Variants in PDGFRL observed in about 807,000 individuals in gnomAD.
PDGFRL encodes the protein platelet derived growth factor receptor like.
In PDGFRL, 46 loss-of-function variants were observed where a neutral mutation model predicts 37.2. The observed-to-expected ratio is 1.24, with a 90% CI of 0.98 to 1.58. The LOEUF is 1.58. PDGFRL is among the 40% of genes most tolerant of loss of function. PDGFRL has a pLI of 0.00. For synonymous variants in PDGFRL, 251 were observed against 184.3 expected (o/e 1.36, Z -2.93); for missense variants, 692 against 467.6 (o/e 1.48, Z -4.43).
At chr8:17,624,702 A>C (rs1330295993) in intron 3 of PDGFRL, among the ~76,000 whole-genome samples, 1 of 152,212 alleles carries the variant, frequency 6.6e-6, no homozygotes, top group Non-Finnish European at 1.5e-5. Flanking sequence ...TGAGGTCAGG[A>C]GTTCAAGACC....
At chr8:17,594,641 G>A (rs574000858) in intron 2 of PDGFRL, among the ~76,000 whole-genome samples, 8 of 152,064 alleles carry the variant, frequency 5.3e-5, no homozygotes, top group East Asian at 3.9e-4. Flanking sequence ...GGCAACCTCC[G>A]CCTCCCGGGT....
rs150968343 is a variant in PDGFRL at position 17,586,331 on chromosome 8, A to C, written c.56-3137A>C. Among the ~76,000 whole-genome samples the C allele has an allele frequency of 3.3e-4, 51 of 152,306 alleles. No homozygotes were observed. In the East Asian group the frequency reaches 8.9e-3, roughly 27 times the overall value. On this transcript the variant is annotated intron_variant, in intron 1 of 5. Transcript: ENST00000251630. ...TTGGAAAAGCACCTCCAGCTCTTCC[A>C]GGAAGAGGAGGCTGTCATCCCCAGC...
intron 2 of PDGFRL, among the ~76,000 whole-genome samples, chr8:17,592,158 T>G (rs1338081202): frequency 1.3e-5 from 2 of 152,154 alleles, no homozygotes; most frequent in African/African-American, 4.8e-5. Context: ...CTTTAACATT[T>G]CAAAATTCTG....
chr8:17,635,230 C>G (rs887131848), intron 5 of PDGFRL, among the ~76,000 whole-genome samples: 8 of 152,138 alleles, frequency 5.3e-5, no homozygotes, highest in African/African-American at 1.9e-4. Context: ...TTCGGTGTAT[C>G]CATCACTTGA....
intron 5 of PDGFRL, among the ~76,000 whole-genome samples, chr8:17,635,973 T>C (rs1804963160): frequency 6.6e-6 from 1 of 152,220 alleles, no homozygotes; most frequent in South Asian, 2.1e-4. Context: ...GGATTGTTAT[T>C]TTCTTGCTGA....
At chr8:17,593,143 G>A (rs528665924) in intron 2 of PDGFRL, among the ~76,000 whole-genome samples, 1 of 152,262 alleles carries the variant, frequency 6.6e-6, no homozygotes, top group South Asian at 2.1e-4. Flanking sequence ...GGATTGGAGA[G>A]GGAGAAAGTG....
intron 2 of PDGFRL, among the ~76,000 whole-genome samples, chr8:17,590,262 A>T (rs960040120): frequency 2.7e-5 from 4 of 147,282 alleles, no homozygotes; most frequent in African/African-American, 1.0e-4. Flanking sequence ...AAAAATTGCA[A>T]ATCCTACCAA....
intron 2 of PDGFRL, among the ~76,000 whole-genome samples, chr8:17,606,788 C>T (rs1225323725): frequency 6.6e-6 from 1 of 151,860 alleles, no homozygotes; most frequent in Non-Finnish European, 1.5e-5. Flanking sequence ...CCTCTTGGCA[C>T]ACATAGTAAG....
At chr8:17,626,112 G>C (rs1254468687) in intron 3 of PDGFRL, among the ~76,000 whole-genome samples, 1 of 152,212 alleles carries the variant, frequency 6.6e-6, no homozygotes, top group Non-Finnish European at 1.5e-5. Context: ...AACAAAAGTT[G>C]CCTCTAAATC....
At chr8:17,601,433 G>GT (rs11427750) in intron 2 of PDGFRL, among the ~76,000 whole-genome samples, 34,066 of 151,336 alleles carry the variant, frequency 0.23, 4,495 homozygotes, top group African/African-American at 0.35. Context: ...CCTTCTGATT[G>GT]TTAACTTATA....
At chr8:17,632,361 A>G (rs1804880469) in intron 4 of PDGFRL, among the ~76,000 whole-genome samples, 1 of 149,858 alleles carries the variant, frequency 6.7e-6, no homozygotes, top group East Asian at 1.9e-4. Context: ...TTTTTTTAAT[A>G]CAGAGTCTTG....
At chr8:17,595,997 G>A (rs1465601008) in intron 2 of PDGFRL, among the ~76,000 whole-genome samples, 2 of 152,192 alleles carry the variant, frequency 1.3e-5, no homozygotes, top group East Asian at 3.9e-4. Context: ...AACCTTACTG[G>A]CAGATGGGGC....
At chr8:17,576,667 T>C (rs1032651185), upstream of PDGFRL, 259 of 975,582 alleles carry the variant, frequency 2.7e-4, 1 homozygote, top group Non-Finnish European at 3.1e-4. Flanking sequence ...GAACCCGTCC[T>C]CCCACCCCCA....
intron 4 of PDGFRL, 40 bp from the exon 5 acceptor site, chr8:17,634,034 A>G (rs757980528): frequency 3.7e-6 from 6 of 1,606,986 alleles, no homozygotes; most frequent in East Asian, 2.2e-5. Context: ...TCAAGGTTAC[A>G]CTCGGGGTCT....
At chr8:17,610,319 G>C (rs1443768743) in intron 2 of PDGFRL, among the ~76,000 whole-genome samples, 1 of 152,152 alleles carries the variant, frequency 6.6e-6, no homozygotes. Context: ...TTTATAGTAA[G>C]GGTTGGGCAT....
rs1421852595 is a variant in PDGFRL, at chr8:17,642,528, G to C, written c.940-85G>C. On this transcript the variant is annotated intron_variant, in intron 5 of 5. Transcript: ENST00000251630. ...AAGCATGTGCTTTGCTCTCTGAAAG[G>C]AACGCTCAACAGTGTTGGGTGAGTG... The C allele has an allele frequency of 5.1e-6, 4 of 787,798 alleles. No homozygotes were observed. The Admixed American group carries it at 6.6e-5, about 13-fold the overall frequency. The allele number at this position is 787,798 out of a possible 1,614,324, so 48.8% of individuals were successfully genotyped here. A position where few individuals can be genotyped will look rare whatever the true frequency, so the allele number is the denominator to read the frequency against.
At chr8:17,624,155 C>G (rs74417440) in intron 3 of PDGFRL, among the ~76,000 whole-genome samples, 8,857 of 152,076 alleles carry the variant, frequency 0.058, 417 homozygotes, top group East Asian at 0.14. Flanking sequence ...TTTGAGAAAC[C>G]AAGATGGGCT....
At chr8:17,625,444 C>T in intron 3 of PDGFRL, among the ~76,000 whole-genome samples, 1 of 100,920 alleles carries the variant, frequency 9.9e-6, no homozygotes. Flanking sequence ...GCCACTGCAC[C>T]TGGTCGAGTT....
At chr8:17,600,790 A>G (rs1292719301) in intron 2 of PDGFRL, among the ~76,000 whole-genome samples, 1 of 148,336 alleles carries the variant, frequency 6.7e-6, no homozygotes, top group Non-Finnish European at 1.5e-5. Flanking sequence ...CAACAGAGCA[A>G]GACCCCATCT....
Sources: allele counts gnomAD v4.1 joint callset (sites outside exome capture counted in the v4.1 genomes callset), GRCh38; gene constraint gnomAD v4.1.1; transcripts MANE v1.5; gene names NCBI Gene and HGNC (gene_info 2026-07-23, HGNC 2026-07-21).